The following ETFBKMT variants were observed in gnomAD, a reference collection of about 807,000 sequenced individuals.
ETFBKMT encodes the protein electron transfer flavoprotein subunit beta lysine methyltransferase.
Under a neutral mutation model 18.3 loss-of-function variants are expected in ETFBKMT, and 13 were observed. That is an observed-to-expected ratio of 0.71 (90% CI 0.46 to 1.13). The LOEUF is 1.13. ETFBKMT is among the 50% of genes most tolerant of loss of function. The pLI is 0.00. For synonymous variants in ETFBKMT, 84 were observed against 107.9 expected, an observed-to-expected ratio of 0.78 and a Z score of 1.37; for missense variants, 293 against 306.2, an observed-to-expected ratio of 0.96 and a Z score of 0.32.
Position 31,650,314 on chromosome 12 carries a change from C to G in ETFBKMT, c.-114+3059C>G, listed in dbSNP as rs1246336382. Among the ~76,000 whole-genome samples, 3 of 152,062 alleles carry G rather than the reference C, an allele frequency of 2.0e-5. No homozygotes were observed. In the East Asian group the frequency reaches 5.8e-4, roughly 30 times the overall value. ...CTCCCACCAGTGCCATGACAGTTTACAAATGCTGTGGCAACATCAGGAAGT... is the reference window on the plus strand; with the variant it reads ...CTCCCACCAGTGCCATGACAGTTTAGAAATGCTGTGGCAACATCAGGAAGT... On this transcript the variant is annotated intron_variant, in intron 1 of 3. Transcript: ENST00000412352.
intron 1 of ETFBKMT, among the ~76,000 whole-genome samples, chr12:31,648,557 CTT>C (rs764501978): frequency 1.4e-3 from 113 of 82,974 alleles, no homozygotes; most frequent in African/African-American, 5.7e-3. Flanking sequence ...AGATGGGTTT[CTT>C]TTTTTTTTTT....
intron 1 of ETFBKMT, 35 bp from the exon 2 acceptor site, chr12:31,661,806 A>G: frequency 1.4e-6 from 1 of 728,142 alleles, no homozygotes; most frequent in Non-Finnish European, 2.3e-6. Context: ...GCTCTTCCTC[A>G]GAATTCTCAG....
intron 3 of ETFBKMT, among the ~76,000 whole-genome samples, chr12:31,666,903 C>T (rs1376158314): frequency 3.3e-5 from 5 of 151,906 alleles, no homozygotes; most frequent in East Asian, 1.9e-4. Flanking sequence ...GTGATCTGCC[C>T]GTCTTGGCCT....
intron 1 of ETFBKMT, among the ~76,000 whole-genome samples, chr12:31,649,238 C>A (rs1478602631): frequency 6.6e-6 from 1 of 152,198 alleles, no homozygotes. Flanking sequence ...AGTACAGATA[C>A]AAATTTTTTT....
intron 1 of ETFBKMT, among the ~76,000 whole-genome samples, chr12:31,651,948 A>C (rs1951021426): frequency 6.6e-6 from 1 of 152,198 alleles, no homozygotes; most frequent in Non-Finnish European, 1.5e-5. Flanking sequence ...GGAACTTCGG[A>C]GTACACATGT....
At chr12:31,660,172 A>C (rs111301576) in intron 1 of ETFBKMT, 2 of 149,498 alleles carry the variant, frequency 1.3e-5, no homozygotes, top group Non-Finnish European at 3.0e-5. Flanking sequence ...AAAAAAAAAA[A>C]AAAAAAAAAA....
At position 31,672,347 on chromosome 12, in the gene ETFBKMT, A is replaced by C. The variant is rs1304033277; in HGVS notation, c.*4357A>C. 4 of 1,578,838 alleles carry C rather than the reference A, an allele frequency of 2.5e-6. No homozygotes were observed. The highest frequency in any genetic ancestry group is 2.6e-6 in the Non-Finnish European group (3 of 1,160,282). ...CACTTGCTTTAGTTTGTTTGGGCCT[A>C]CTAATTGCTCCAACACTTCTCGGGA... On this transcript the variant is annotated 3_prime_UTR_variant, in exon 4 of 4. Coordinates refer to ENST00000357721, the MANE Select transcript of ETFBKMT (RefSeq NM_001135863.2).
At chr12:31,661,000 A>G (rs1951115476) in intron 1 of ETFBKMT, 1 of 152,242 alleles carries the variant, frequency 6.6e-6, no homozygotes, top group South Asian at 2.1e-4. Context: ...TTGGCCCACA[A>G]TATAACAATA....
intron 1 of ETFBKMT, among the ~76,000 whole-genome samples, chr12:31,653,757 G>A (rs1309365582): frequency 2.0e-5 from 3 of 152,176 alleles, no homozygotes; most frequent in African/African-American, 4.8e-5. Flanking sequence ...AGACCAGCCT[G>A]GCCAACATGG....
intron 1 of ETFBKMT, among the ~76,000 whole-genome samples, chr12:31,649,273 G>A: frequency 6.6e-6 from 1 of 152,216 alleles, no homozygotes; most frequent in East Asian, 1.9e-4. Context: ...ATCTGCGGTT[G>A]GTTGAATCTA....
chr12:31,648,557 C>CTTT (rs764501978), intron 1 of ETFBKMT, among the ~76,000 whole-genome samples: 1,598 of 82,866 alleles, frequency 0.019, 57 homozygotes, highest in East Asian at 0.029. Context: ...AGATGGGTTT[C>CTTT]TTTTTTTTTT....
At chr12:31,651,625 C>G (rs1218467503) in intron 1 of ETFBKMT, among the ~76,000 whole-genome samples, 1 of 152,122 alleles carries the variant, frequency 6.6e-6, no homozygotes, top group Non-Finnish European at 1.5e-5. Flanking sequence ...GGCCACCGCG[C>G]CCGGCCGATG....
intron 1 of ETFBKMT, among the ~76,000 whole-genome samples, chr12:31,648,469 C>G (rs1950986068): frequency 6.7e-6 from 1 of 149,222 alleles, no homozygotes; most frequent in Admixed American, 6.7e-5. Context: ...TCAAGCGATT[C>G]TCCTGCCTCA....
chr12:31,654,990 AGG>A (rs1434829352), upstream of ETFBKMT, among the ~76,000 whole-genome samples: 1 of 151,556 alleles, frequency 6.6e-6, no homozygotes, highest in Admixed American at 6.6e-5. Context: ...CGGGAGGAGA[AGG>A]TTGCAGTGAG....
chr12:31,666,999 CTTTTTTT>C (rs1212726747), intron 3 of ETFBKMT, among the ~76,000 whole-genome samples: 1 of 135,030 alleles, frequency 7.4e-6, no homozygotes, highest in African/African-American at 2.7e-5. Context: ...CTTTTTTTTT[CTTTTTTT>C]TTTTTTGATA....
At chr12:31,656,052 T>C (rs142533467), upstream of ETFBKMT, among the ~76,000 whole-genome samples, 386 of 152,358 alleles carry the variant, frequency 2.5e-3, 1 homozygote, top group African/African-American at 8.8e-3. Flanking sequence ...CATGTATTTA[T>C]TTGCCTTTTC....
At chr12:31,652,566 A>G (rs548430372) in intron 1 of ETFBKMT, among the ~76,000 whole-genome samples, 2 of 152,248 alleles carry the variant, frequency 1.3e-5, no homozygotes, top group East Asian at 3.9e-4. Context: ...AAAATTAGTA[A>G]CACTTGTATG....
chr12:31,664,939 C>CTTTT (rs57572915), intron 2 of ETFBKMT, among the ~76,000 whole-genome samples: 2 of 121,492 alleles, frequency 1.6e-5, no homozygotes, highest in Admixed American at 1.7e-4. Context: ...TTCTTTCTTT[C>CTTTT]TTTTTTTTTT....
chr12:31,661,810 T>C, intron 1 of ETFBKMT, 31 bp from the exon 2 acceptor site: 1 of 748,578 alleles, frequency 1.3e-6, no homozygotes, highest in Non-Finnish European at 2.2e-6. Flanking sequence ...TTCCTCAGAA[T>C]TCTCAGTATT....
Sources: gnomAD v4.1 joint callset for allele counts (sites outside exome capture counted in the v4.1 genomes callset) on GRCh38, gnomAD v4.1.1 for gene constraint, MANE v1.5 for transcripts, NCBI Gene and HGNC (gene_info 2026-07-23, HGNC 2026-07-21) for gene names.